The following ESRRB variants were observed in gnomAD, a reference collection of about 807,000 sequenced individuals.
The protein encoded by ESRRB is estrogen related receptor beta.
ESRRB carries 16 observed loss-of-function variants against 46.0 expected under a neutral mutation model. The observed-to-expected ratio is 0.35, with a 90% confidence interval of 0.24 to 0.53. The LOEUF (loss-of-function observed/expected upper bound fraction) is 0.53. Among genes scored for constraint, ESRRB ranks in the 20% least tolerant of loss-of-function variants. The pLI is 0.93. For missense variants in ESRRB, 488 were observed against 607.4 expected (o/e 0.80, Z 2.07); for synonymous variants, 246 against 259.6 (o/e 0.95, Z 0.50).
chr14:76,447,653 A>T (rs550442978), intron 2 of ESRRB, among the ~76,000 whole-genome samples: 86 of 152,228 alleles, frequency 5.6e-4, no homozygotes, highest in South Asian at 1.2e-3. Context: ...TGCCTGCATC[A>T]GCCCTCCATG....
intron 1 of ESRRB, among the ~76,000 whole-genome samples, chr14:76,427,334 G>A (rs1887245119): frequency 7.0e-6 from 1 of 142,088 alleles, no homozygotes; most frequent in South Asian, 2.2e-4. Context: ...TTCTGCAGGA[G>A]CTGTGTGTGT....
At chr14:76,488,500 A>G (rs962048333) in intron 5 of ESRRB, among the ~76,000 whole-genome samples, 1 of 152,164 alleles carries the variant, frequency 6.6e-6, no homozygotes, top group Non-Finnish European at 1.5e-5. Flanking sequence ...CCTGAGTCCA[A>G]AGATCTTAGA....
intron 3 of ESRRB, among the ~76,000 whole-genome samples, chr14:76,468,426 C>A (rs1170205810): frequency 7.6e-6 from 1 of 130,904 alleles, no homozygotes; most frequent in Non-Finnish European, 1.6e-5. Flanking sequence ...CAAACACGCA[C>A]ACACACACAT....
intron 3 of ESRRB, among the ~76,000 whole-genome samples, chr14:76,465,997 G>C (rs1189688581): frequency 1.3e-5 from 2 of 152,240 alleles, no homozygotes; most frequent in Non-Finnish European, 2.9e-5. Flanking sequence ...GCTCTTGGCA[G>C]CTGCCTGGCT....
intron 1 of ESRRB, among the ~76,000 whole-genome samples, chr14:76,420,558 AGTGTGTGT>A (rs61137774): frequency 6.1e-4 from 87 of 142,462 alleles, no homozygotes; most frequent in Middle Eastern, 3.5e-3. Flanking sequence ...ACAGGGTGTG[AGTGTGTGT>A]GTGTGTGTGT....
At chr14:76,350,954 G>T (rs1323270786) in intron 1 of ESRRB, among the ~76,000 whole-genome samples, 1 of 152,210 alleles carries the variant, frequency 6.6e-6, no homozygotes, top group African/African-American at 2.4e-5. Flanking sequence ...TGTCTGCCTT[G>T]CCTCTGCCAG....
At chr14:76,397,003 G>A (rs115152005) in intron 1 of ESRRB, among the ~76,000 whole-genome samples, 3 of 152,186 alleles carry the variant, frequency 2.0e-5, no homozygotes, top group Admixed American at 6.5e-5. Context: ...CACGCCAGCC[G>A]CCCGGGCACG....
Position 76,482,585 on chromosome 14 carries a change from T to C in ESRRB, c.689-13T>C. On this transcript the variant is annotated splice_polypyrimidine_tract_variant and intron_variant, in intron 4 of 6. Transcript: ENST00000644823. The surrounding 1 kb of genome is among the most constrained non-coding windows in gnomAD (Gnocchi z 4.3). ...TTTCCCAGCATTTACCTTTCCCTCT[T>C]TGGTTGTTGCAGTGACCAAGATTGT... 2 of 1,614,068 alleles carry C rather than the reference T, an allele frequency of 1.2e-6. No individual in the cohort carries two copies. The highest frequency in any genetic ancestry group is 3.3e-5 in the Admixed American group (2 of 60,012).
intron 1 of ESRRB, among the ~76,000 whole-genome samples, chr14:76,406,550 C>T (rs757392713): frequency 3.9e-5 from 6 of 152,080 alleles, no homozygotes; most frequent in Admixed American, 6.6e-5. Context: ...TAGAGACCAG[C>T]CTAGACAACA....
At chr14:76,408,151 C>T (rs75820516) in intron 1 of ESRRB, among the ~76,000 whole-genome samples, 2,102 of 152,324 alleles carry the variant, frequency 0.014, 47 homozygotes, top group African/African-American at 0.048. Flanking sequence ...ACCAGGTTCA[C>T]GGTCACCTCA....
chr14:76,371,250 G>A (rs1884618144), upstream of ESRRB: 2 of 152,164 alleles, frequency 1.3e-5, no homozygotes, highest in Non-Finnish European at 2.9e-5. Flanking sequence ...TATGATCCTT[G>A]GGACCAGTGC....
At chr14:76,431,159 G>A (rs1887425903) in intron 1 of ESRRB, among the ~76,000 whole-genome samples, 1 of 152,114 alleles carries the variant, frequency 6.6e-6, no homozygotes, top group African/African-American at 2.4e-5. Context: ...GCCAGGCATG[G>A]GGGCACACGC....
At chr14:76,475,214 TA>T (rs893030549) in intron 3 of ESRRB, among the ~76,000 whole-genome samples, 5 of 150,152 alleles carry the variant, frequency 3.3e-5, no homozygotes, top group Non-Finnish European at 4.5e-5. Context: ...CCCTGTCTCT[TA>T]AAAAAAAATG....
Position 76,482,767 on chromosome 14 carries a change from T to C in ESRRB, c.850+8T>C, listed in dbSNP as rs1369442284. The C allele has an allele frequency of 2.5e-6, 4 of 1,613,730 alleles. No homozygotes were observed. In the Admixed American group the frequency reaches 6.7e-5, roughly 27 times the overall value. On this transcript the variant is annotated splice_region_variant and intron_variant, in intron 5 of 6. Transcript: ENST00000644823. This position sits in a 1 kb window ranked among gnomAD's most constrained non-coding sequence, Gnocchi z 4.3. ...GGGCCAAGCACATCCCAGGTGAGCA[T>C]GTGGGACCAGGGGAGAGTGTGGCCA... is the stretch of plus-strand genomic sequence containing the variant.
intron 1 of ESRRB, among the ~76,000 whole-genome samples, chr14:76,398,843 A>T (rs1885813253): frequency 6.6e-6 from 1 of 151,882 alleles, no homozygotes; most frequent in Non-Finnish European, 1.5e-5. Flanking sequence ...GTGGAGTCTG[A>T]CTCCAGCCTA....
intron 2 of ESRRB, among the ~76,000 whole-genome samples, chr14:76,460,576 T>TTCTGGAACACA (rs1888808069): frequency 3.3e-5 from 5 of 152,320 alleles, no homozygotes; most frequent in Admixed American, 6.5e-5. Context: ...GAGAGATGTG[T>TTCTGGAACACA]TCTAGTTGAG....
intron 1 of ESRRB, among the ~76,000 whole-genome samples, chr14:76,326,811 G>A (rs188703466): frequency 6.6e-6 from 1 of 152,362 alleles, no homozygotes; most frequent in Non-Finnish European, 1.5e-5. Context: ...GCCCTGCACA[G>A]AGAAGGGGAA....
At chr14:76,458,903 G>C (rs1353065802) in intron 2 of ESRRB, among the ~76,000 whole-genome samples, 1 of 148,594 alleles carries the variant, frequency 6.7e-6, no homozygotes, top group African/African-American at 2.5e-5. Context: ...GGAGTGCAGT[G>C]GCGCGATCTC....
At chr14:76,494,764 G>A (rs1395846927) in intron 6 of ESRRB, among the ~76,000 whole-genome samples, 1 of 152,228 alleles carries the variant, frequency 6.6e-6, no homozygotes, top group Non-Finnish European at 1.5e-5. Flanking sequence ...TCTGTCAGGT[G>A]GAGGAGGAGC....
Sources: gnomAD v4.1 joint callset for allele counts (sites outside exome capture counted in the v4.1 genomes callset) on GRCh38, gnomAD v4.1.1 for gene constraint, Gnocchi (gnomAD v3.1) non-coding constraint, MANE v1.5 for transcripts, NCBI Gene and HGNC (gene_info 2026-07-23, HGNC 2026-07-21) for gene names.